Variants in GRK5 observed in about 807,000 individuals in gnomAD.
GRK5 encodes g protein-coupled receptor kinase GRK5.
GRK5 carries 40 observed loss-of-function variants against 78.4 expected under a neutral mutation model. The observed-to-expected ratio is 0.51, with a 90% CI of 0.40 to 0.66. The LOEUF (loss-of-function observed/expected upper bound fraction) is 0.66, where lower values mean the gene tolerates loss of function less well. GRK5 is among the 30% of genes least tolerant of loss of function. The probability of loss-of-function intolerance (pLI) is 0.00; values close to 1 mark genes in which losing one functional copy is unlikely to be tolerated. For synonymous variants in GRK5, 289 were observed against 296.8 expected (o/e 0.97, Z 0.27); for missense variants, 598 against 759.9 (o/e 0.79, Z 2.50).
chr10:119,269,058 G>A (rs1377707486), intron 1 of GRK5, among the ~76,000 whole-genome samples: 1 of 152,214 alleles, frequency 6.6e-6, no homozygotes, highest in Non-Finnish European at 1.5e-5. Context: ...GTAGATTTGG[G>A]GGCCTCTGCC....
At chr10:119,306,176 A>G (rs1850269333) in intron 1 of GRK5, among the ~76,000 whole-genome samples, 1 of 152,042 alleles carries the variant, frequency 6.6e-6, no homozygotes, top group African/African-American at 2.4e-5. Flanking sequence ...GAAACAGCAG[A>G]GTCTAGTTGA....
intron 1 of GRK5, among the ~76,000 whole-genome samples, chr10:119,240,083 G>T (rs1027525255): frequency 1.7e-4 from 26 of 151,632 alleles, no homozygotes; most frequent in African/African-American, 6.3e-4. Flanking sequence ...AGATCCTTGA[G>T]GAATCACCAC....
chr10:119,329,477 A>C (rs1406342780), intron 2 of GRK5, among the ~76,000 whole-genome samples: 4 of 152,190 alleles, frequency 2.6e-5, no homozygotes, highest in African/African-American at 9.7e-5. Context: ...GATACTAGAC[A>C]AACTTGCAAC....
At chr10:119,403,841 G>T (rs1852190886) in intron 4 of GRK5, among the ~76,000 whole-genome samples, 1 of 152,012 alleles carries the variant, frequency 6.6e-6, no homozygotes, top group South Asian at 2.1e-4. Context: ...CGCCACTTTG[G>T]CCAGGCTGGT....
At chr10:119,209,277 C>T (rs1458706214) in intron 1 of GRK5, among the ~76,000 whole-genome samples, 1 of 152,118 alleles carries the variant, frequency 6.6e-6, no homozygotes, top group Admixed American at 6.6e-5. Flanking sequence ...TTACTTTCGT[C>T]GTCACTTGTC....
chr10:119,252,485 A>C (rs1454077597), intron 1 of GRK5, among the ~76,000 whole-genome samples: 1 of 152,094 alleles, frequency 6.6e-6, no homozygotes, highest in Non-Finnish European at 1.5e-5. Context: ...GCAGAGGGCT[A>C]CGCTGGAGAG....
At chr10:119,369,601 A>G (rs2901211) in intron 2 of GRK5, among the ~76,000 whole-genome samples, 42,370 of 152,094 alleles carry the variant, frequency 0.28, 6,649 homozygotes, top group African/African-American at 0.43. Context: ...ACTCAAAAAT[A>G]TGGAAAAATA....
At chr10:119,254,783 G>C (rs972861814) in intron 1 of GRK5, among the ~76,000 whole-genome samples, 1 of 152,124 alleles carries the variant, frequency 6.6e-6, no homozygotes, top group Admixed American at 6.5e-5. Context: ...GGCCGGGCAC[G>C]GTGGCTCACG....
At chr10:119,346,700 G>T (rs542953639) in intron 2 of GRK5, among the ~76,000 whole-genome samples, 437 of 152,284 alleles carry the variant, frequency 2.9e-3, no homozygotes, top group Admixed American at 5.0e-3. Flanking sequence ...TGGCTGGCTG[G>T]CTCCTGGGCC....
chr10:119,299,794 ATGTGTGTGTGTGTG>A (rs3981127), intron 1 of GRK5, among the ~76,000 whole-genome samples: 1 of 124,262 alleles, frequency 8.0e-6, no homozygotes, highest in Non-Finnish European at 1.8e-5. Flanking sequence ...ATTTAAGCAG[ATGTGTGTGTGTGTG>A]TGTGTGTGTG....
chr10:119,291,558 C>CTCCTTCTCT (rs1564879139), intron 1 of GRK5, among the ~76,000 whole-genome samples: 3 of 147,438 alleles, frequency 2.0e-5, no homozygotes, highest in African/African-American at 5.0e-5. Flanking sequence ...CCTCCTCTTC[C>CTCCTTCTCT]TCCTCCTCCT....
chr10:119,261,175 C>T (rs1317786975), intron 1 of GRK5, among the ~76,000 whole-genome samples: 6 of 150,026 alleles, frequency 4.0e-5, no homozygotes, highest in East Asian at 2.0e-4. Flanking sequence ...CTCCTCACTT[C>T]TCAAACGGGG....
chr10:119,430,405 G>A lies in GRK5; in HGVS notation c.564G>A (p.Gln188=). The change falls in exon 7 of 16, where the codon CAG becomes CAA. Residue 188 remains glutamine (Q), a synonymous_variant. Coordinates refer to ENST00000392870, the MANE Select transcript of GRK5 (RefSeq NM_005308.3). The surrounding 1 kb of genome is among the most constrained non-coding windows in gnomAD (Gnocchi z 4.5). Reference sequence around the variant, plus strand: ...CGGTGACCAAAAACACTTTCAGGCAGTATCGAGTGCTAGGAAAAGGGGGCT... The same window carrying A: ...CGGTGACCAAAAACACTTTCAGGCAATATCGAGTGCTAGGAAAAGGGGGCT... The part of the protein sequence containing the change: ...RQPVTKNTFR[Q]YRVLGKGGFG... 6.2e-7 allele frequency: 1 copy of A among 1,613,468 alleles called. No homozygotes were observed. The highest frequency in any genetic ancestry group is 8.5e-7 in the Non-Finnish European group (1 of 1,179,768).
In GRK5 at chr10:119,361,020, A is replaced by G. The variant is rs142909137; in HGVS notation, c.149-19795A>G. On this transcript the variant is annotated intron_variant, in intron 2 of 15. Transcript: ENST00000392870. ...GTGCCTCTGGGAAGGTCTCCTGGCTAGGTGGGCTCTGGCTCCCTGGGAGTA... is the reference window on the plus strand; with the variant it reads ...GTGCCTCTGGGAAGGTCTCCTGGCTGGGTGGGCTCTGGCTCCCTGGGAGTA... 4.8e-3 allele frequency among the ~76,000 whole-genome samples: 734 copies of G among 152,310 alleles called. 3 individuals carry two copies. The highest frequency in any genetic ancestry group is 8.4e-3 in the Non-Finnish European group (570 of 68,020).
In GRK5 at chr10:119,459,727, A is replaced by G. The variant is rs781743233; in HGVS notation, c.*4660A>G. 2.0e-5 allele frequency: 3 copies of G among 152,218 alleles called. No homozygotes were observed. The highest frequency in any genetic ancestry group is 2.0e-4 in the Admixed American group (3 of 15,282). 9.4% of individuals were successfully genotyped at this position (152,218 alleles called of 1,614,324 possible). A position where few individuals can be genotyped will look rare whatever the true frequency, so the allele number is the denominator to read the frequency against. Reference sequence around the variant, plus strand: ...CTGTTGTTGTTTTTAAAAGAGAAATAAATTCCTTAATGGAAGTAGCATGGC... The same window carrying G: ...CTGTTGTTGTTTTTAAAAGAGAAATGAATTCCTTAATGGAAGTAGCATGGC... On this transcript the variant is annotated 3_prime_UTR_variant, in exon 16 of 16. Coordinates refer to ENST00000392870, the MANE Select transcript of GRK5 (RefSeq NM_005308.3).
intron 6 of GRK5, among the ~76,000 whole-genome samples, chr10:119,429,924 C>T (rs1852781056): frequency 6.6e-6 from 1 of 152,290 alleles, no homozygotes; most frequent in East Asian, 1.9e-4. Flanking sequence ...CTGAGATGCA[C>T]AGGTGTAGGG....
At position 119,267,536 on chromosome 10, in the gene GRK5, C is replaced by T. The variant is rs189007279; in HGVS notation, c.53-58980C>T. On this transcript the variant is annotated intron_variant, in intron 1 of 15. Coordinates refer to ENST00000392870, the MANE Select transcript of GRK5 (RefSeq NM_005308.3). The surrounding 1 kb of genome is among the most constrained non-coding windows in gnomAD (Gnocchi z 4.1). The stretch of plus-strand genomic sequence containing the variant: ...GGGATTCCCACCCTGGGTTGGGCAG[C>T]CCTCTCCACAGGATGGCAAGGGGCT... Among the ~76,000 whole-genome samples, 299 of 152,330 alleles carry T rather than the reference C, an allele frequency of 2.0e-3. 4 individuals are homozygous for T. The highest frequency in any genetic ancestry group is 6.7e-3 in the African/African-American group (277 of 41,562).
At chr10:119,411,842 C>CTTCTTTTTTTTTTTTT (rs1852343285) in intron 4 of GRK5, among the ~76,000 whole-genome samples, 1 of 95,978 alleles carries the variant, frequency 1.0e-5, no homozygotes, top group Non-Finnish European at 2.1e-5. Flanking sequence ...AGATCTGCTT[C>CTTCTTTTTTTTTTTTT]TTTTTTTTTT....
At chr10:119,285,461 T>A (rs1239105191) in intron 1 of GRK5, among the ~76,000 whole-genome samples, 1 of 152,090 alleles carries the variant, frequency 6.6e-6, no homozygotes, top group Non-Finnish European at 1.5e-5. Flanking sequence ...AAAAAGCAAA[T>A]CAGGGTTTGT....
Sources: gnomAD v4.1 joint callset for allele counts (sites outside exome capture counted in the v4.1 genomes callset) on GRCh38, gnomAD v4.1.1 for gene constraint, Gnocchi (gnomAD v3.1) non-coding constraint, MANE v1.5 for transcripts, NCBI Gene and HGNC (gene_info 2026-07-23, HGNC 2026-07-21) for gene names.